Variants in LYPLA1 observed in about 807,000 individuals in gnomAD.
LYPLA1 encodes acyl-protein thioesterase 1.
LYPLA1 carries 17 observed loss-of-function variants against 34.0 expected under a neutral mutation model. That is an observed-to-expected ratio of 0.50 (90% confidence interval 0.34 to 0.75). LYPLA1 has a LOEUF of 0.75. Among genes scored for constraint, LYPLA1 ranks in the 30% least tolerant of loss-of-function variants. The pLI is 0.01. For missense variants in LYPLA1, 203 were observed against 288.8 expected (o/e 0.70, Z 2.15); for synonymous variants, 98 against 100.8 (o/e 0.97, Z 0.17).
chr8:54,076,447 G>A (rs922000889), intron 2 of LYPLA1, among the ~76,000 whole-genome samples: 12 of 152,164 alleles, frequency 7.9e-5, no homozygotes, highest in Non-Finnish European at 1.2e-4. Context: ...TGACTCCTGC[G>A]AGAAGTAGCT....
rs1475947590 is a variant in LYPLA1 at position 54,046,912 on chromosome 8, ATT to A, written c.*1151_*1152del. On this transcript the variant is annotated 3_prime_UTR_variant, in exon 9 of 9. Coordinates refer to ENST00000316963, the MANE Select transcript of LYPLA1 (RefSeq NM_006330.4). ...GCATCAAAAACTAATACAAAAAATA[ATT>A]TGACTAAAGTGAAAATTTCAAATAA... 1 of 152,184 alleles carries A rather than the reference ATT, an allele frequency of 6.6e-6. No homozygotes were observed. Among genetic ancestry groups the A allele is most frequent in the Admixed American group, 6.5e-5 (1 of 15,280 alleles). 9.4% of individuals were successfully genotyped at this position (152,184 alleles called of 1,614,324 possible).
chr8:54,051,278 T>G, intron 7 of LYPLA1, 90 bp from the exon 8 acceptor site: 1 of 1,050,378 alleles, frequency 9.5e-7, no homozygotes, highest in Non-Finnish European at 1.3e-6. Context: ...AATATGCATA[T>G]ATATAACATA....
chr8:54,051,524 T>A (rs1586072040), intron 7 of LYPLA1, among the ~76,000 whole-genome samples: 1 of 152,144 alleles, frequency 6.6e-6, no homozygotes, highest in Non-Finnish European at 1.5e-5. Context: ...CTCAGCTCAC[T>A]GCAACCTCTG....
chr8:54,084,141 A>AATACATATATAT (rs1554547934), intron 2 of LYPLA1, among the ~76,000 whole-genome samples: 1 of 118,646 alleles, frequency 8.4e-6, no homozygotes, highest in African/African-American at 4.6e-5. Context: ...AAAATAAATA[A>AATACATATATAT]ATATATATAT....
intron 2 of LYPLA1, among the ~76,000 whole-genome samples, chr8:54,088,986 A>G (rs1346141146): frequency 6.6e-6 from 1 of 152,220 alleles, no homozygotes; most frequent in African/African-American, 2.4e-5. Context: ...AAAAGACCAA[A>G]TATTATCTGA....
intron 2 of LYPLA1, among the ~76,000 whole-genome samples, chr8:54,091,422 G>A (rs1480775222): frequency 6.6e-6 from 1 of 151,754 alleles, no homozygotes; most frequent in Non-Finnish European, 1.5e-5. Flanking sequence ...AGGAGGCAGA[G>A]GTTGCAGTGA....
chr8:54,080,158 G>A (rs1426383991), intron 2 of LYPLA1, among the ~76,000 whole-genome samples: 1 of 152,072 alleles, frequency 6.6e-6, no homozygotes, highest in Non-Finnish European at 1.5e-5. Context: ...GGCTGAGGTG[G>A]GTGGATCACT....
At chr8:54,062,480 G>A (rs1324834663) in intron 4 of LYPLA1, among the ~76,000 whole-genome samples, 156 bp from the exon 5 acceptor site, 2 of 143,510 alleles carry the variant, frequency 1.4e-5, no homozygotes, top group African/African-American at 5.1e-5. Flanking sequence ...TTTTTGAGAC[G>A]AAGTCTCACT....
chr8:54,078,171 C>T (rs1808047852), intron 2 of LYPLA1, among the ~76,000 whole-genome samples: 1 of 152,024 alleles, frequency 6.6e-6, no homozygotes. Context: ...AGGCTGGTCT[C>T]CAACTCCTGA....
At chr8:54,101,544 G>C (rs762641558) in intron 1 of LYPLA1, 1 of 1,145,488 alleles carries the variant, frequency 8.7e-7, no homozygotes, top group Non-Finnish European at 1.1e-6. Flanking sequence ...GCAGGGAGGA[G>C]CTGGGGACTG....
chr8:54,053,636 G>A (rs1463594823), intron 6 of LYPLA1: 2 of 456,094 alleles, frequency 4.4e-6, no homozygotes, highest in African/African-American at 2.0e-5. Context: ...AATGGGATTC[G>A]ATGACCACCA....
intron 2 of LYPLA1, among the ~76,000 whole-genome samples, chr8:54,083,051 T>C (rs1472226983): frequency 6.6e-6 from 1 of 152,202 alleles, no homozygotes; most frequent in East Asian, 1.9e-4. Flanking sequence ...ATAAAATGAA[T>C]GTTCGCAGAC....
intron 2 of LYPLA1, among the ~76,000 whole-genome samples, chr8:54,079,849 C>G (rs972098921): frequency 2.6e-5 from 4 of 152,046 alleles, no homozygotes; most frequent in African/African-American, 9.7e-5. Context: ...TCTGTTATCT[C>G]TGCAAAAGAT....
At chr8:54,050,886 G>A in intron 8 of LYPLA1, 126 bp downstream of exon 8, 1 of 971,502 alleles carries the variant, frequency 1.0e-6, no homozygotes, top group South Asian at 1.8e-5. Flanking sequence ...TCTAATGACT[G>A]CTAACTTATG....
intron 2 of LYPLA1, chr8:54,073,647 T>C (rs1807665754): frequency 4.4e-6 from 2 of 453,512 alleles, no homozygotes. Context: ...GCTGCTACAA[T>C]GTCCTAACAG....
At position 54,101,772 on chromosome 8, in the gene LYPLA1, G is replaced by C. The variant is rs777064120; in HGVS notation, c.52C>G (p.Arg18Gly). 7.7e-7 allele frequency: 1 copy of C among 1,299,410 alleles called. No homozygotes were observed. The allele number at this position is 1,299,410 out of a possible 1,614,324, so 80.5% of individuals were successfully genotyped here. The change falls in exon 1 of 9, where the codon CGG (arginine) becomes GGG (glycine). Residue 18 changes from arginine to glycine, a missense_variant. Arg to Gly is a moderately radical substitution (Grantham distance 125). Coordinates refer to ENST00000316963, the MANE Select transcript of LYPLA1 (RefSeq NM_006330.4). Reference sequence around the variant, plus strand: ...CCACTCACCGCAGCGGTGGCCTTCCGGGCGGCGGGCACGATGGCGGGCAGC... The same window carrying C: ...CCACTCACCGCAGCGGTGGCCTTCCCGGCGGCGGGCACGATGGCGGGCAGC... ...TPLPAIVPAA[R>G]KATAAVIFLH...
intron 2 of LYPLA1, among the ~76,000 whole-genome samples, chr8:54,069,505 G>A (rs2129339241): frequency 6.6e-6 from 1 of 152,280 alleles, no homozygotes; most frequent in East Asian, 1.9e-4. Flanking sequence ...CTTGAGTCCA[G>A]GAGTTCAAGA....
intron 6 of LYPLA1, chr8:54,053,683 T>C: frequency 2.2e-6 from 1 of 456,224 alleles, no homozygotes; most frequent in Non-Finnish European, 4.4e-6. Flanking sequence ...AACATGTAAA[T>C]TCAAGAGCTG....
chr8:54,101,502 CG>C, intron 1 of LYPLA1: 1 of 1,124,684 alleles, frequency 8.9e-7, no homozygotes, highest in Non-Finnish European at 1.1e-6. Context: ...GGCCGGCCCG[CG>C]GGGGTCCCGG....
Sources: gnomAD v4.1 joint callset for allele counts (sites outside exome capture counted in the v4.1 genomes callset) on GRCh38, gnomAD v4.1.1 for gene constraint, MANE v1.5 for transcripts, NCBI Gene and HGNC (gene_info 2026-07-23, HGNC 2026-07-21) for gene names.